MTUS2: variants seen among roughly 807,000 people sequenced by gnomAD.
The protein encoded by MTUS2 is microtubule-associated tumor suppressor candidate 2.
In MTUS2, 40 loss-of-function variants were observed where a neutral mutation model predicts 114.1. That is an observed-to-expected ratio of 0.35 (90% confidence interval 0.27 to 0.46). The LOEUF (loss-of-function observed/expected upper bound fraction) is 0.46, where lower values mean the gene tolerates loss of function less well. MTUS2 is among the 20% of genes least tolerant of loss of function. MTUS2 has a pLI of 1.00. For synonymous variants in MTUS2, 688 were observed against 672.0 expected, an observed-to-expected ratio of 1.02 and a Z score of -0.37; for missense variants, 1,679 against 1,705.4, an observed-to-expected ratio of 0.98 and a Z score of 0.27.
intron 8 of MTUS2, among the ~76,000 whole-genome samples, chr13:29,368,718 G>A (rs1870949655): frequency 6.6e-6 from 1 of 152,132 alleles, no homozygotes; most frequent in Admixed American, 6.5e-5. Context: ...TTGATTTCTG[G>A]GACTCTTTCT....
At chr13:29,249,970 G>A (rs1175530336) in intron 5 of MTUS2, among the ~76,000 whole-genome samples, 1 of 152,122 alleles carries the variant, frequency 6.6e-6, no homozygotes, top group Non-Finnish European at 1.5e-5. Flanking sequence ...CATGAGCAAA[G>A]ATTTTATGAT....
chr13:29,209,708 A>G (rs1001989437), intron 5 of MTUS2, among the ~76,000 whole-genome samples: 3 of 152,192 alleles, frequency 2.0e-5, no homozygotes, highest in African/African-American at 7.2e-5. Flanking sequence ...ATGAAATACA[A>G]AACTCTTGGC....
At chr13:29,318,422 C>T (rs1900111115) in intron 6 of MTUS2, among the ~76,000 whole-genome samples, 1 of 91,638 alleles carries the variant, frequency 1.1e-5, no homozygotes, top group Admixed American at 1.2e-4. Context: ...GCCTCGTCCT[C>T]AGAGTGAGCC....
At chr13:29,270,710 C>T (rs1470469500) in intron 5 of MTUS2, among the ~76,000 whole-genome samples, 1 of 152,200 alleles carries the variant, frequency 6.6e-6, no homozygotes, top group African/African-American at 2.4e-5. Flanking sequence ...TGTGGCTGGC[C>T]CTGTGAGCTC....
chr13:29,031,963 A>G (rs537760945), intron 3 of MTUS2, among the ~76,000 whole-genome samples: 3 of 152,116 alleles, frequency 2.0e-5, no homozygotes, highest in South Asian at 4.2e-4. Flanking sequence ...GTTTGTTTGA[A>G]ATCATAGGGT....
intron 2 of MTUS2, among the ~76,000 whole-genome samples, chr13:28,945,763 A>G (rs559259024): frequency 2.0e-5 from 3 of 152,272 alleles, no homozygotes; most frequent in East Asian, 1.9e-4. Flanking sequence ...TACTTACTCC[A>G]TAGGTTGTCT....
chr13:28,972,898 C>T (rs1378127207), intron 2 of MTUS2, among the ~76,000 whole-genome samples: 1 of 152,012 alleles, frequency 6.6e-6, no homozygotes, highest in Non-Finnish European at 1.5e-5. Flanking sequence ...TAGTTAAGCC[C>T]CTATCTAAAT....
intron 4 of MTUS2, among the ~76,000 whole-genome samples, chr13:29,079,378 T>C (rs1889342081): frequency 6.6e-6 from 1 of 152,242 alleles, no homozygotes; most frequent in African/African-American, 2.4e-5. Context: ...TTCTCTTTTT[T>C]GATAGTGTCC....
intron 2 of MTUS2, among the ~76,000 whole-genome samples, chr13:28,941,789 G>A (rs192696959): frequency 6.4e-4 from 97 of 152,026 alleles, no homozygotes; most frequent in South Asian, 3.1e-3. Flanking sequence ...GAATTATACC[G>A]ATGAGCTTTT....
At chr13:28,889,832 T>C (rs1259924857) in intron 2 of MTUS2, among the ~76,000 whole-genome samples, 3 of 152,044 alleles carry the variant, frequency 2.0e-5, no homozygotes, top group Admixed American at 2.0e-4. Flanking sequence ...AGTGTATGCA[T>C]GTGTTTTCTG....
At position 29,465,943 on chromosome 13, in the gene MTUS2, C is replaced by T. The variant is rs546953634; in HGVS notation, c.3185-14207C>T. Among the ~76,000 whole-genome samples, 9 of 152,334 alleles carry T rather than the reference C, an allele frequency of 5.9e-5. No homozygotes were observed. The East Asian group carries it at 1.2e-3, about 20-fold the overall frequency. On this transcript the variant is annotated intron_variant, in intron 9 of 15. Transcript: ENST00000612955. ...CCGCAACCATGAGTGCAGCAATTCC[C>T]GTGAATGCTGTTCTGTTCTAGATGC...
intron 4 of MTUS2, among the ~76,000 whole-genome samples, chr13:29,054,925 G>A (rs575393860): frequency 1.8e-4 from 28 of 152,006 alleles, no homozygotes; most frequent in African/African-American, 6.3e-4. Flanking sequence ...CATTCCATAT[G>A]TTCAGGGAAC....
At chr13:29,141,707 A>G (rs1892227633) in intron 5 of MTUS2, among the ~76,000 whole-genome samples, 1 of 152,220 alleles carries the variant, frequency 6.6e-6, no homozygotes, top group South Asian at 2.1e-4. Context: ...AAGATGGGAT[A>G]AAGAAATGTG....
intron 2 of MTUS2, among the ~76,000 whole-genome samples, chr13:28,895,029 C>T (rs777014077): frequency 6.6e-6 from 1 of 152,184 alleles, no homozygotes; most frequent in South Asian, 2.1e-4. Context: ...TCGAAGATCT[C>T]GAAATCCATC....
chr13:29,390,540 C>A (rs1473739574), intron 8 of MTUS2, among the ~76,000 whole-genome samples: 1 of 151,154 alleles, frequency 6.6e-6, no homozygotes, highest in East Asian at 2.0e-4. Context: ...ATTATCCCAG[C>A]TACCCAGGAG....
At chr13:29,259,709 A>G (rs1215296627) in intron 5 of MTUS2, among the ~76,000 whole-genome samples, 1 of 152,244 alleles carries the variant, frequency 6.6e-6, no homozygotes, top group Admixed American at 6.5e-5. Context: ...TCAAAGCGTT[A>G]CTAATAAAAA....
chr13:28,835,196 C>T (rs866448285), intron 1 of MTUS2, among the ~76,000 whole-genome samples: 6 of 152,060 alleles, frequency 3.9e-5, no homozygotes, highest in Admixed American at 6.6e-5. Context: ...ACTTACATAT[C>T]CATATAAAAA....
chr13:28,890,943 A>AGG (rs577106356), intron 2 of MTUS2, among the ~76,000 whole-genome samples: 214 of 152,288 alleles, frequency 1.4e-3, no homozygotes, highest in African/African-American at 4.4e-3. Flanking sequence ...TTGACATCAG[A>AGG]GACCAACTCT....
chr13:29,450,534 A>G (rs549770271), intron 9 of MTUS2, among the ~76,000 whole-genome samples: 4 of 152,340 alleles, frequency 2.6e-5, no homozygotes, highest in Non-Finnish European at 2.9e-5. Flanking sequence ...TAAGAAACCA[A>G]GAAACCAGCA....
Sources: allele counts gnomAD v4.1 joint callset (sites outside exome capture counted in the v4.1 genomes callset), GRCh38; gene constraint gnomAD v4.1.1; transcripts MANE v1.5; gene names NCBI Gene and HGNC (gene_info 2026-07-23, HGNC 2026-07-21).